The following NEIL3 variants were observed in gnomAD, a reference collection of about 807,000 sequenced individuals.
The protein encoded by NEIL3 is endonuclease 8-like 3.
A neutral mutation model predicts 57.5 loss-of-function variants in NEIL3; 48 were observed. The observed-to-expected ratio is 0.83, with a 90% confidence interval of 0.66 to 1.06. The LOEUF (loss-of-function observed/expected upper bound fraction) is 1.06, where lower values mean the gene tolerates loss of function less well. Among genes scored for constraint, NEIL3 ranks in the 50% least tolerant of loss-of-function variants. The pLI, the probability that NEIL3 is intolerant of heterozygous loss-of-function variation, is 0.00. For missense variants in NEIL3, 717 were observed against 739.1 expected (o/e 0.97, Z 0.35); for synonymous variants, 261 against 253.2 (o/e 1.03, Z -0.29).
intron 8 of NEIL3, chr4:177,357,110 C>T (rs1412230893): frequency 6.6e-6 from 1 of 152,230 alleles, no homozygotes; most frequent in Non-Finnish European, 1.5e-5. Context: ...ATTTCAGAAC[C>T]ACCTGGGGCC....
chr4:177,369,642 G>A, the NEIL3 span, among the ~76,000 whole-genome samples: 1 of 152,250 alleles, frequency 6.6e-6, no homozygotes, highest in South Asian at 2.1e-4. Flanking sequence ...ATGGTGGTTA[G>A]TCACTCAGAT....
At chr4:177,337,565 G>A (rs1345225413) in intron 4 of NEIL3, among the ~76,000 whole-genome samples, 6 of 152,104 alleles carry the variant, frequency 3.9e-5, no homozygotes, top group East Asian at 3.8e-4. Flanking sequence ...AGACCTCTAC[G>A]AAAGTTGTTT....
chr4:177,353,279 A>G (rs779375070), intron 7 of NEIL3, 29 bp from the exon 8 acceptor site: 3 of 1,560,208 alleles, frequency 1.9e-6, no homozygotes, highest in Middle Eastern at 1.7e-4. Flanking sequence ...TTATGGGACT[A>G]TTGCAGAATT....
At chr4:177,363,799 G>A (rs1405923751), downstream of NEIL3, among the ~76,000 whole-genome samples, 6 of 152,068 alleles carry the variant, frequency 3.9e-5, no homozygotes, top group African/African-American at 1.4e-4. Flanking sequence ...CCCCCAGGCT[G>A]CAGTGCAGTA....
intron 5 of NEIL3, among the ~76,000 whole-genome samples, chr4:177,340,670 C>T (rs1735073780): frequency 6.6e-6 from 1 of 152,136 alleles, no homozygotes; most frequent in Admixed American, 6.5e-5. Flanking sequence ...TGCCCATTTC[C>T]ACCCAGATTA....
downstream of NEIL3, among the ~76,000 whole-genome samples, chr4:177,365,978 GACCC>G (rs1414497512): frequency 5.9e-5 from 9 of 152,100 alleles, no homozygotes; most frequent in South Asian, 1.9e-3. Context: ...AGACAACCAA[GACCC>G]ACCCTAAGAT....
rs1735420125 is a variant in NEIL3 at position 177,353,942 on chromosome 4, T to C, written c.1460+214T>C. On this transcript the variant is annotated intron_variant, in intron 8 of 9. Coordinates refer to ENST00000264596, the MANE Select transcript of NEIL3 (RefSeq NM_018248.3). ...CATCAGGCCCGACTAATTTTTGTAT[T>C]TTCAGTAGAGACGGGGTTTCACCAT... 26 of 499,990 alleles carry C rather than the reference T, an allele frequency of 5.2e-5. No homozygotes were observed. In the East Asian group the frequency reaches 9.2e-4, roughly 18 times the overall value. The allele number at this position is 499,990 out of a possible 1,614,324, so 31.0% of individuals were successfully genotyped here. A position where few individuals can be genotyped will look rare whatever the true frequency, so the allele number is the denominator to read the frequency against.
At chr4:177,355,489 T>G (rs1175839378) in intron 8 of NEIL3, among the ~76,000 whole-genome samples, 1 of 152,234 alleles carries the variant, frequency 6.6e-6, no homozygotes, top group Non-Finnish European at 1.5e-5. Flanking sequence ...GTATATTTTG[T>G]GTAATTTTTT....
chr4:177,349,187 G>A (rs1306921318), intron 6 of NEIL3, among the ~76,000 whole-genome samples: 1 of 151,830 alleles, frequency 6.6e-6, no homozygotes, highest in African/African-American at 2.4e-5. Context: ...CGGCCTCGTG[G>A]GTCATGAATT....
rs904845038 is a variant in NEIL3 at position 177,362,174 on chromosome 4, A to G, written c.1636-115A>G. 5 of 614,794 alleles carry G rather than the reference A, an allele frequency of 8.1e-6. No homozygotes were observed. In the African/African-American group the frequency reaches 9.6e-5, roughly 12 times the overall value. 38.1% of individuals were successfully genotyped at this position (614,794 alleles called of 1,614,324 possible). Reference sequence around the variant, plus strand: ...ATTACTGGTCTATTTTACAATGTCAAATTAATGATAACAGCAGTGAAGACT... The same window carrying G: ...ATTACTGGTCTATTTTACAATGTCAGATTAATGATAACAGCAGTGAAGACT... On this transcript the variant is annotated intron_variant, in intron 9 of 9. Transcript: ENST00000264596.
chr4:177,371,195 C>G, the NEIL3 span, among the ~76,000 whole-genome samples: 1 of 152,316 alleles, frequency 6.6e-6, no homozygotes. Flanking sequence ...TCCATATTAA[C>G]ATATCTATGT....
chr4:177,337,350 T>A (rs1734997937), intron 4 of NEIL3, among the ~76,000 whole-genome samples: 1 of 152,210 alleles, frequency 6.6e-6, no homozygotes, highest in Admixed American at 6.5e-5. Flanking sequence ...ATCTTTTACA[T>A]AAACCCAGGT....
intron 7 of NEIL3, among the ~76,000 whole-genome samples, chr4:177,352,894 C>G (rs1735389243): frequency 6.6e-6 from 1 of 151,904 alleles, no homozygotes; most frequent in Admixed American, 6.6e-5. Context: ...ATAAGCCTTT[C>G]ACTTTGTCTT....
At chr4:177,358,830 C>T (rs936098377) in intron 8 of NEIL3, among the ~76,000 whole-genome samples, 4 of 152,116 alleles carry the variant, frequency 2.6e-5, no homozygotes, top group African/African-American at 9.7e-5. Flanking sequence ...AATGTTCAAC[C>T]GTTATCCAAA....
intron 2 of NEIL3, among the ~76,000 whole-genome samples, chr4:177,332,466 C>G: frequency 6.6e-6 from 1 of 152,112 alleles, no homozygotes; most frequent in Non-Finnish European, 1.5e-5. Flanking sequence ...GTTTCCTGTT[C>G]CTCCCTCAAG....
chr4:177,342,314 C>T (rs913711684), intron 6 of NEIL3, among the ~76,000 whole-genome samples: 1 of 152,092 alleles, frequency 6.6e-6, no homozygotes, highest in African/African-American at 2.4e-5. Flanking sequence ...GTACAGTTAC[C>T]TTGGTAACAG....
chr4:177,316,323 G>T (rs1421720086), intron 1 of NEIL3, among the ~76,000 whole-genome samples: 5 of 152,056 alleles, frequency 3.3e-5, no homozygotes, highest in Admixed American at 3.3e-4. Flanking sequence ...AGGCATTCTA[G>T]GACTGGTTGC....
intron 1 of NEIL3, among the ~76,000 whole-genome samples, chr4:177,322,037 A>G (rs1489892357): frequency 6.6e-6 from 1 of 152,208 alleles, no homozygotes; most frequent in Non-Finnish European, 1.5e-5. Context: ...TTCATATTTT[A>G]TCATCTGTCA....
chr4:177,316,956 A>G (rs1734585151), intron 1 of NEIL3, among the ~76,000 whole-genome samples: 1 of 152,206 alleles, frequency 6.6e-6, no homozygotes. Flanking sequence ...TTTTACTAAC[A>G]TTGCATTTTA....
Sources: gnomAD v4.1 joint callset for allele counts (sites outside exome capture counted in the v4.1 genomes callset) on GRCh38, gnomAD v4.1.1 for gene constraint, MANE v1.5 for transcripts, NCBI Gene and HGNC (gene_info 2026-07-23, HGNC 2026-07-21) for gene names.